DNAH12: variants seen among roughly 807,000 people sequenced by gnomAD.
DNAH12 encodes dynein axonemal heavy chain 12, also known as axonemal beta dynein heavy chain 12.
Under a neutral mutation model 371.5 loss-of-function variants are expected in DNAH12, and 285 were observed. The ratio of observed to expected loss-of-function variants is 0.77; its 90% CI spans 0.70 to 0.85. The LOEUF is 0.85. Ranked by LOEUF, DNAH12 falls within the 40% of genes least tolerant of loss-of-function variation. DNAH12 has a pLI of 0.00. For synonymous variants in DNAH12, 1,200 were observed against 1,213.0 expected (o/e 0.99, Z 0.22); for missense variants, 3,611 against 3,689.4 (o/e 0.98, Z 0.55).
In DNAH12 at chr3:57,534,833, A is replaced by C. The variant is rs145096728; in HGVS notation, c.170+7868T>G. Among the ~76,000 whole-genome samples, 658 of 152,180 alleles carry C rather than the reference A, an allele frequency of 4.3e-3. 6 individuals are homozygous for C. The highest frequency in any genetic ancestry group is 0.015 in the African/African-American group (637 of 41,512). ...CAGTTAGCTCATATTCTTAGAAACA[A>C]ATTTCTTATATTGAGCTGTATGTTT... On this transcript the variant is annotated intron_variant, in intron 2 of 73. Coordinates refer to ENST00000495027, the MANE Select transcript of DNAH12 (RefSeq NM_001366028.2).
chr3:57,494,910 G>A (rs2067256529), intron 11 of DNAH12, among the ~76,000 whole-genome samples: 2 of 152,046 alleles, frequency 1.3e-5, no homozygotes, highest in South Asian at 4.1e-4. Flanking sequence ...TCAGGAGGCT[G>A]AGGCAGGAGG....
In DNAH12 at chr3:57,453,323, C is replaced by G. The variant is rs2065810609; in HGVS notation, c.3537G>C (p.Gln1179His). ...VELVRGKLSK[Q>H]TRTTLGALVT... ...CCAAAGCCCCCAGAGTGGTCCTGGT[C>G]TGCTTAGACAACTTTCCTCTTACCA... Residue 1179 changes from glutamine (Q) to histidine (H), a missense_variant, in exon 24 of 74, where the codon CAG becomes CAC. Gln to His is a conservative substitution (Grantham distance 24). This residue lies in a region of DNAH12 where 1,314 missense variants were observed against 1,398.7 expected (regional missense o/e 0.94). Transcript: ENST00000495027. 6.4e-7 allele frequency: 1 copy of G among 1,551,228 alleles called. No homozygotes were observed. The highest frequency in any genetic ancestry group is 1.4e-5 in the African/African-American group (1 of 73,014).
chr3:57,342,306 A>G (rs79425511), intron 60 of DNAH12, among the ~76,000 whole-genome samples: 1 of 151,976 alleles, frequency 6.6e-6, no homozygotes, highest in Admixed American at 6.6e-5. Context: ...ACACCAAAAG[A>G]CACAACACAA....
chr3:57,505,653 C>A (rs2067730643), intron 8 of DNAH12, among the ~76,000 whole-genome samples: 1 of 152,142 alleles, frequency 6.6e-6, no homozygotes, highest in Non-Finnish European at 1.5e-5. Context: ...GTTGGCCAGG[C>A]TGGTCTCGAA....
At chr3:57,530,257 T>G in intron 2 of DNAH12, 1 of 238,538 alleles carries the variant, frequency 4.2e-6, no homozygotes, top group Non-Finnish European at 8.0e-6. Context: ...TCTATTTATA[T>G]CTTATTATAC....
intron 13 of DNAH12, among the ~76,000 whole-genome samples, chr3:57,476,943 G>T (rs1334777499): frequency 6.6e-6 from 1 of 152,148 alleles, no homozygotes; most frequent in Non-Finnish European, 1.5e-5. Context: ...AGCTAAGGGG[G>T]TGGAGCCAAG....
intron 13 of DNAH12, among the ~76,000 whole-genome samples, chr3:57,479,595 C>T (rs1343597229): frequency 6.6e-6 from 1 of 152,162 alleles, no homozygotes; most frequent in Non-Finnish European, 1.5e-5. Flanking sequence ...CAGAACTCTC[C>T]ACCCCAAATC....
chr3:57,504,005 A>T lies in DNAH12; in HGVS notation c.1086+11T>A. 1 of 1,602,864 alleles carries T rather than the reference A, an allele frequency of 6.2e-7. No individual in the cohort carries two copies. The highest frequency in any genetic ancestry group is 1.1e-5 in the South Asian group (1 of 90,354). ...TTTAAAATTCTTTCCCGATGGGTAA[A>T]GATGTAATACCTGCAGAGCTTCGGC... On this transcript the variant is annotated intron_variant, in intron 9 of 73. Coordinates refer to ENST00000495027, the MANE Select transcript of DNAH12 (RefSeq NM_001366028.2).
chr3:57,432,670 A>C (rs1416569069), intron 32 of DNAH12, among the ~76,000 whole-genome samples: 5 of 152,204 alleles, frequency 3.3e-5, no homozygotes, highest in Non-Finnish European at 5.9e-5. Context: ...AACACTGAAG[A>C]ATATGATTCC....
rs553135443 is a variant in DNAH12, at chr3:57,320,380, G to A, written c.10524+1963C>T. Among the ~76,000 whole-genome samples the A allele has an allele frequency of 7.2e-5, 11 of 152,308 alleles. No individual in the cohort carries two copies. The South Asian group carries it at 2.3e-3, about 32-fold the overall frequency. ...AGAAATGTATCCCTGCCCTTAAGGAGAATAAAGTGAGTACAGCAGGCAGAT... is the reference window on the plus strand; with the variant it reads ...AGAAATGTATCCCTGCCCTTAAGGAAAATAAAGTGAGTACAGCAGGCAGAT... On this transcript the variant is annotated intron_variant, in intron 65 of 73. Transcript: ENST00000495027.
chr3:57,505,367 T>G (rs1331466719), intron 8 of DNAH12, among the ~76,000 whole-genome samples: 1 of 151,720 alleles, frequency 6.6e-6, no homozygotes, highest in Non-Finnish European at 1.5e-5. Context: ...GAACACACAT[T>G]AACAAAGGTA....
rs535575067 is a variant in DNAH12, at chr3:57,308,218, C to T, written c.11189+933G>A. ...GGGTCTAAGAAGGCCACCATGGTCACTTCTTCCCTTCTGTCAGACATAATT... is the reference window on the plus strand; with the variant it reads ...GGGTCTAAGAAGGCCACCATGGTCATTTCTTCCCTTCTGTCAGACATAATT... On this transcript the variant is annotated intron_variant, in intron 69 of 73. Transcript: ENST00000495027. Among the ~76,000 whole-genome samples the T allele has an allele frequency of 7.2e-5, 11 of 152,310 alleles. No homozygotes were observed. In the South Asian group the frequency reaches 1.7e-3, roughly 23 times the overall value.
In DNAH12 at chr3:57,424,206, A is replaced by G. The variant is rs184338038; in HGVS notation, c.5373+816T>C. ...GATAGTTGACCGAGCATGGTGGCTC[A>G]CAACTGTAATCCCAGCACTTTGGGA... On this transcript the variant is annotated intron_variant, in intron 35 of 73. Transcript: ENST00000495027. Among the ~76,000 whole-genome samples, 424 of 152,228 alleles carry G rather than the reference A, an allele frequency of 2.8e-3. 1 individual carries two copies. Among genetic ancestry groups the G allele is most frequent in the African/African-American group, 9.8e-3 (407 of 41,542 alleles).
chr3:57,548,300 A>G (rs942269031), upstream of DNAH12, among the ~76,000 whole-genome samples: 3 of 152,200 alleles, frequency 2.0e-5, no homozygotes, highest in Admixed American at 6.5e-5. Context: ...TTAGGCTTCC[A>G]GGGGCCATTC....
chr3:57,551,738 T>C, the DNAH12 span, among the ~76,000 whole-genome samples: 1 of 152,058 alleles, frequency 6.6e-6, no homozygotes, highest in Non-Finnish European at 1.5e-5. Flanking sequence ...AAGATATGTT[T>C]TCTCAAAGTG....
intron 45 of DNAH12, among the ~76,000 whole-genome samples, chr3:57,389,120 T>TTA (rs1381139700): frequency 1.3e-5 from 2 of 152,164 alleles, no homozygotes; most frequent in Non-Finnish European, 2.9e-5. Context: ...TCTTCCTGTT[T>TTA]TAGTCTTCCC....
intron 38 of DNAH12, among the ~76,000 whole-genome samples, chr3:57,414,147 C>T (rs549235910): frequency 1.6e-3 from 174 of 112,002 alleles, no homozygotes; most frequent in African/African-American, 7.3e-3. Context: ...TACCAAGCAG[C>T]ATTATGTGTG....
chr3:57,327,663 A>G (rs2061983528), intron 62 of DNAH12, among the ~76,000 whole-genome samples: 1 of 151,910 alleles, frequency 6.6e-6, no homozygotes, highest in Non-Finnish European at 1.5e-5. Flanking sequence ...GAAAAGCAAG[A>G]GCAAACACAT....
At chr3:57,339,623 GA>G (rs1234773560) in intron 60 of DNAH12, among the ~76,000 whole-genome samples, 8 of 151,452 alleles carry the variant, frequency 5.3e-5, no homozygotes, top group Non-Finnish European at 5.9e-5. Flanking sequence ...ATAAAACTTT[GA>G]AAAAAAATTG....
Sources: gnomAD v4.1 joint callset for allele counts (sites outside exome capture counted in the v4.1 genomes callset) on GRCh38, gnomAD v4.1.1 for gene constraint, gnomAD v4.1.1 regional missense constraint, MANE v1.5 for transcripts, NCBI Gene and HGNC (gene_info 2026-07-23, HGNC 2026-07-21) for gene names.